DHRSX: variants seen among roughly 807,000 people sequenced by gnomAD.
DHRSX encodes polyprenol dehydrogenase.
Under a neutral mutation model 34.0 loss-of-function variants are expected in DHRSX, and 31 were observed. The ratio of observed to expected loss-of-function variants is 0.91; its 90% CI spans 0.69 to 1.23. The LOEUF is 1.23. Among genes scored for constraint, DHRSX ranks in the 50% most tolerant of loss-of-function variants. DHRSX has a pLI of 0.00. For missense variants in DHRSX, 414 were observed against 428.1 expected (o/e 0.97, Z 0.29); for synonymous variants, 201 against 183.8 (o/e 1.09, Z -0.76).
At chrX:2,305,123 A>T (rs1401558589) in intron 3 of DHRSX, among the ~76,000 whole-genome samples, 3 of 152,024 alleles carry the variant, frequency 2.0e-5, no homozygotes, top group Admixed American at 1.3e-4. Context: ...CAAACACTGT[A>T]CACTCTCACT....
intron 1 of DHRSX, among the ~76,000 whole-genome samples, chrX:2,467,701 G>A (rs1177467769): frequency 2.6e-5 from 4 of 152,130 alleles, no homozygotes; most frequent in African/African-American, 9.7e-5. Flanking sequence ...GCAGCCGGAC[G>A]TGGTGGCTCA....
intron 3 of DHRSX, among the ~76,000 whole-genome samples, chrX:2,359,988 A>G (rs1432662682): frequency 6.6e-6 from 1 of 152,180 alleles, no homozygotes. Context: ...TACCTGGGTG[A>G]TGAAATAATC....
At chrX:2,400,476 T>C (rs1441246295) in intron 3 of DHRSX, among the ~76,000 whole-genome samples, 2 of 152,162 alleles carry the variant, frequency 1.3e-5, no homozygotes, top group Non-Finnish European at 2.9e-5. Flanking sequence ...GACTCTTGCA[T>C]GTCATCATGA....
intron 3 of DHRSX, chrX:2,334,951 G>A (rs1182807112): frequency 2.0e-5 from 3 of 151,886 alleles, no homozygotes; most frequent in African/African-American, 7.3e-5. Context: ...AGGTCGAGGC[G>A]GGCGGATTGT....
chrX:2,358,871 C>T (rs2042890793), intron 3 of DHRSX, among the ~76,000 whole-genome samples: 1 of 151,642 alleles, frequency 6.6e-6, no homozygotes, highest in African/African-American at 2.4e-5. Context: ...ATGGCGTGAA[C>T]CCGGGGAGCA....
At chrX:2,249,512 CCTTTTTTTTT>C in intron 5 of DHRSX, among the ~76,000 whole-genome samples, 1 of 116,850 alleles carries the variant, frequency 8.6e-6, no homozygotes, top group African/African-American at 3.5e-5. Context: ...CCTTTTTGTG[CCTTTTTTTTT>C]TTTTTTTTTT....
chrX:2,297,748 T>G (rs2041951306), intron 3 of DHRSX, among the ~76,000 whole-genome samples: 1 of 135,824 alleles, frequency 7.4e-6, no homozygotes. Flanking sequence ...GTTTTTTTTG[T>G]TTTGTCTTTT....
chrX:2,283,699 G>C (rs1308616830), intron 4 of DHRSX, among the ~76,000 whole-genome samples: 1 of 152,172 alleles, frequency 6.6e-6, no homozygotes, highest in Admixed American at 6.5e-5. Flanking sequence ...GGGTCTTGTA[G>C]GTGCCCTGTG....
At chrX:2,351,262 G>A (rs1445504451) in intron 3 of DHRSX, among the ~76,000 whole-genome samples, 2 of 152,138 alleles carry the variant, frequency 1.3e-5, no homozygotes, top group South Asian at 2.1e-4. Context: ...AAGAAAGAAA[G>A]TCAAAGACAG....
chrX:2,385,974 A>C (rs1202974392), intron 3 of DHRSX, among the ~76,000 whole-genome samples: 1 of 152,040 alleles, frequency 6.6e-6, no homozygotes, highest in African/African-American at 2.4e-5. Context: ...CAACTCTTCA[A>C]ACCTGTGTAC....
At chrX:2,472,825 A>T (rs1207859107) in intron 1 of DHRSX, among the ~76,000 whole-genome samples, 3 of 152,112 alleles carry the variant, frequency 2.0e-5, no homozygotes, top group Non-Finnish European at 2.9e-5. Context: ...TATTTTACTG[A>T]ATTTTTTTTA....
chrX:2,292,618 T>C (rs1284984995), intron 3 of DHRSX, among the ~76,000 whole-genome samples: 1 of 151,456 alleles, frequency 6.6e-6, no homozygotes, highest in Non-Finnish European at 1.5e-5. Context: ...CAGGAAGCAA[T>C]TTATGCATCC....
At chrX:2,221,930 G>A (rs545963193) in intron 6 of DHRSX, among the ~76,000 whole-genome samples, 1 of 152,266 alleles carries the variant, frequency 6.6e-6, no homozygotes, top group South Asian at 2.1e-4. Context: ...AACCTTCAGA[G>A]CTAGGATGCA....
At chrX:2,243,772 A>G (rs2016200311) in intron 5 of DHRSX, among the ~76,000 whole-genome samples, 1 of 128,046 alleles carries the variant, frequency 7.8e-6, no homozygotes, top group African/African-American at 2.8e-5. Flanking sequence ...TACAGGCAGG[A>G]GCCACTATGC....
At chrX:2,414,422 A>T (rs1035020222) in intron 2 of DHRSX, among the ~76,000 whole-genome samples, 2 of 151,720 alleles carry the variant, frequency 1.3e-5, no homozygotes, top group African/African-American at 4.8e-5. Context: ...TCATACCCTA[A>T]CCCAACTAGA....
chrX:2,302,998 CT>C (rs2042031594), intron 3 of DHRSX, among the ~76,000 whole-genome samples: 1 of 152,042 alleles, frequency 6.6e-6, no homozygotes, highest in African/African-American at 2.4e-5. Context: ...TGAGGTACTG[CT>C]GTAATTTTCC....
intron 3 of DHRSX, among the ~76,000 whole-genome samples, chrX:2,306,190 T>C (rs143362134): frequency 0.082 from 12,483 of 152,154 alleles, 717 homozygotes; most frequent in Middle Eastern, 0.17. Flanking sequence ...CCAACGGGCT[T>C]TGCTCATTCT....
chrX:2,397,414 G>A (rs1195170280), intron 3 of DHRSX, among the ~76,000 whole-genome samples: 2 of 152,102 alleles, frequency 1.3e-5, no homozygotes, highest in South Asian at 2.1e-4. Flanking sequence ...AATTCCAAGC[G>A]TGAGCCACCG....
chrX:2,491,074 T>TG (rs1556033016), intron 1 of DHRSX, among the ~76,000 whole-genome samples: 1 of 125,012 alleles, frequency 8.0e-6, no homozygotes, highest in Non-Finnish European at 1.8e-5. Context: ...TAGTTTTTTT[T>TG]TTTTTTTTTT....
Sources: allele counts gnomAD v4.1 joint callset (sites outside exome capture counted in the v4.1 genomes callset), GRCh38; gene constraint gnomAD v4.1.1; transcripts MANE v1.5; gene names NCBI Gene and HGNC (gene_info 2026-07-23, HGNC 2026-07-21).